WDR59: variants seen among roughly 807,000 people sequenced by gnomAD.
WDR59 encodes the protein GATOR2 complex protein WDR59.
A neutral mutation model predicts 131.2 loss-of-function variants in WDR59; 100 were observed. The observed-to-expected ratio is 0.76, with a 90% CI of 0.65 to 0.90. The LOEUF is 0.90. Among genes scored for constraint, WDR59 ranks in the 40% least tolerant of loss-of-function variants. The pLI is 0.00. For synonymous variants in WDR59, 601 were observed against 466.2 expected (o/e 1.29, Z -3.72); for missense variants, 1,203 against 1,262.2 (o/e 0.95, Z 0.71).
At chr16:74,920,675 G>T (rs910733641) in intron 10 of WDR59, among the ~76,000 whole-genome samples, 7 of 152,218 alleles carry the variant, frequency 4.6e-5, no homozygotes, top group African/African-American at 1.7e-4. Context: ...ACAGGTGTAA[G>T]CCACTGTGCC....
chr16:74,898,672 A>G (rs759383641), intron 18 of WDR59, among the ~76,000 whole-genome samples: 2 of 152,266 alleles, frequency 1.3e-5, no homozygotes, highest in Admixed American at 1.3e-4. Context: ...ATTGATGCCA[A>G]TAAATGGGTT....
rs1567424335 is a variant in WDR59, at chr16:74,949,808, A to G, written c.327-10T>C. 1 of 1,613,654 alleles carries G rather than the reference A, an allele frequency of 6.2e-7. No individual in the cohort carries two copies. The highest frequency in any genetic ancestry group is 8.5e-7 in the Non-Finnish European group (1 of 1,179,684). On this transcript the variant is annotated splice_polypyrimidine_tract_variant and intron_variant, in intron 4 of 25. Transcript: ENST00000262144. ...CGCCCAGTCCAAGTCGCTGGGACAC[A>G]AAGAATAAACAGAACAAAGAAAAGG...
At chr16:74,934,278 C>A (rs1488361523) in intron 8 of WDR59, among the ~76,000 whole-genome samples, 1 of 152,028 alleles carries the variant, frequency 6.6e-6, no homozygotes, top group East Asian at 1.9e-4. Flanking sequence ...TGCATAAAGA[C>A]TGGCATATAA....
At chr16:74,912,904 T>G (rs1966170971) in intron 13 of WDR59, among the ~76,000 whole-genome samples, 1 of 152,240 alleles carries the variant, frequency 6.6e-6, no homozygotes, top group South Asian at 2.1e-4. Context: ...GTTTGTGGTT[T>G]AAGAACGTGT....
chr16:74,958,610 A>AAAAAAAAAAAAAAAAAAAAAAAAAC, intron 2 of WDR59, among the ~76,000 whole-genome samples: 2 of 143,240 alleles, frequency 1.4e-5, no homozygotes, highest in Non-Finnish European at 3.1e-5. Flanking sequence ...AAAAAAAAAA[A>AAAAAAAAAAAAAAAAAAAAAAAAAC]AAAAAAAAAA....
At chr16:74,912,479 C>T in intron 13 of WDR59, 117 bp from the exon 14 acceptor site, 1 of 1,082,216 alleles carries the variant, frequency 9.2e-7, no homozygotes. Flanking sequence ...AAAGAGTCTA[C>T]AAAGACAAAT....
intron 8 of WDR59, among the ~76,000 whole-genome samples, chr16:74,924,844 C>G (rs908940745): frequency 6.6e-5 from 10 of 152,126 alleles, no homozygotes; most frequent in Non-Finnish European, 1.3e-4. Flanking sequence ...TGGTCTCGAA[C>G]TCCTGAGCTC....
rs2144967416 is a variant in WDR59, at chr16:74,916,146, T to G, written c.1080A>C (p.Ala360=). The G allele has an allele frequency of 6.2e-7, 1 of 1,614,200 alleles. No individual in the cohort carries two copies. Among genetic ancestry groups the G allele is most frequent in the East Asian group, 2.2e-5 (1 of 44,884 alleles). ...HTEDTDHQHT[A]SHGEEEALKE... ...AATTACCTTCTTCCTCCCCATGGCT[T>G]GCAGTGTGCTGGTGATCTGTATCTT... The change falls in exon 12 of 26, where the codon GCA becomes GCC. Residue 360 remains alanine, a synonymous_variant. Coordinates refer to ENST00000262144, the MANE Select transcript of WDR59 (RefSeq NM_030581.4).
chr16:74,930,046 G>A (rs2031238601), intron 8 of WDR59, among the ~76,000 whole-genome samples: 1 of 152,180 alleles, frequency 6.6e-6, no homozygotes, highest in African/African-American at 2.4e-5. Context: ...GCGTAGTGGG[G>A]TAGAGCGGGG....
intron 1 of WDR59, among the ~76,000 whole-genome samples, chr16:74,973,746 A>G (rs2034078622): frequency 6.6e-6 from 1 of 152,218 alleles, no homozygotes; most frequent in African/African-American, 2.4e-5. Context: ...TTAAAAATTA[A>G]TTAATTCGGC....
chr16:74,899,555 A>G (rs1228616377), intron 18 of WDR59: 4 of 548,822 alleles, frequency 7.3e-6, no homozygotes, highest in African/African-American at 2.0e-5. Flanking sequence ...AACTCCCCCA[A>G]GCAAAAAATT....
chr16:74,884,360 G>C (rs1213930907), intron 25 of WDR59, among the ~76,000 whole-genome samples: 2 of 152,086 alleles, frequency 1.3e-5, no homozygotes, highest in Non-Finnish European at 2.9e-5. Flanking sequence ...AATTCTTTTT[G>C]TTTTTTGAGA....
rs371982800 is a variant in WDR59, at chr16:74,921,942, C to A, written c.886+5G>T. On this transcript the variant is annotated splice_donor_5th_base_variant and intron_variant, in intron 10 of 25. Transcript: ENST00000262144. ...GAAAGTGGGCAGCAGGCCTCTCCCA[C>A]TCACCTTCCTTCTGCTTCCTCCACT... The A allele has an allele frequency of 6.2e-7, 1 of 1,613,442 alleles. No individual in the cohort carries two copies. Among genetic ancestry groups the A allele is most frequent in the East Asian group, 2.2e-5 (1 of 44,868 alleles).
chr16:74,944,907 C>T (rs531604733), intron 6 of WDR59, among the ~76,000 whole-genome samples: 10 of 151,382 alleles, frequency 6.6e-5, no homozygotes, highest in African/African-American at 2.2e-4. Flanking sequence ...AGGTAGGCCA[C>T]AAAGTCAGGA....
intron 17 of WDR59, among the ~76,000 whole-genome samples, chr16:74,905,016 A>G (rs1482076042): frequency 6.6e-6 from 1 of 152,266 alleles, no homozygotes; most frequent in African/African-American, 2.4e-5. Context: ...TGGATCACAG[A>G]CCTCAAATAA....
chr16:74,882,751 A>C (rs1351267701), intron 25 of WDR59, among the ~76,000 whole-genome samples: 3 of 135,050 alleles, frequency 2.2e-5, no homozygotes, highest in Non-Finnish European at 4.7e-5. Flanking sequence ...CAGAGGTTGC[A>C]GTGAGCCGAG....
chr16:74,981,044 A>T (rs1202604265), intron 1 of WDR59, among the ~76,000 whole-genome samples: 1 of 146,768 alleles, frequency 6.8e-6, no homozygotes, highest in African/African-American at 2.5e-5. Flanking sequence ...CCTGAACAAG[A>T]ACGTAAAGCC....
chr16:74,949,842 T>G (rs765378546), intron 4 of WDR59, 44 bp from the exon 5 acceptor site: 3 of 1,592,864 alleles, frequency 1.9e-6, no homozygotes, highest in Non-Finnish European at 2.6e-6. Context: ...GGAAAAAAAT[T>G]CAGAGTCCAG....
At chr16:74,940,926 G>A (rs372121924) in intron 7 of WDR59, among the ~76,000 whole-genome samples, 1 of 151,864 alleles carries the variant, frequency 6.6e-6, no homozygotes, top group African/African-American at 2.4e-5. Flanking sequence ...GGATGGTCTC[G>A]ATCTCCTGAC....
Sources: allele counts gnomAD v4.1 joint callset (sites outside exome capture counted in the v4.1 genomes callset), GRCh38; gene constraint gnomAD v4.1.1; transcripts MANE v1.5; gene names NCBI Gene and HGNC (gene_info 2026-07-23, HGNC 2026-07-21).